The following TRRAP variants were observed in gnomAD, a reference collection of about 807,000 sequenced individuals.
TRRAP encodes the protein transformation/transcription domain associated protein, also known as transformation/transcription domain-associated protein.
Under a neutral mutation model 438.8 loss-of-function variants are expected in TRRAP, and 41 were observed. The observed-to-expected ratio is 0.09, with a 90% CI of 0.07 to 0.12. TRRAP has a LOEUF of 0.12. Ranked by LOEUF, TRRAP falls within the 10% of genes least tolerant of loss-of-function variation. The pLI is 1.00. For synonymous variants in TRRAP, 1,994 were observed against 1,962.9 expected (o/e 1.02, Z -0.42); for missense variants, 3,122 against 5,055.1 (o/e 0.62, Z 11.60).
At chr7:98,929,050 C>T (rs531187636) in intron 23 of TRRAP, among the ~76,000 whole-genome samples, 5 of 151,820 alleles carry the variant, frequency 3.3e-5, no homozygotes, top group African/African-American at 1.2e-4. Flanking sequence ...TGATTCTCCT[C>T]CCTCACCCCT....
In TRRAP at chr7:98,976,145, A is replaced by T; in HGVS notation, c.7840-4A>T. ...ATCTCAGCCTGTTGTCTTTCTGTTC[A>T]TAGACTGGAGCGCTGCTCAGCGCTT... On this transcript the variant is annotated splice_polypyrimidine_tract_variant and splice_region_variant and intron_variant, in intron 53 of 72. Transcript: ENST00000456197. This position sits in a 1 kb window ranked among gnomAD's most constrained non-coding sequence, Gnocchi z 4.6. The T allele has an allele frequency of 6.2e-7, 1 of 1,613,796 alleles. No homozygotes were observed. The highest frequency in any genetic ancestry group is 8.5e-7 in the Non-Finnish European group (1 of 1,179,868).
chr7:98,881,740 C>T (rs782744804), intron 2 of TRRAP: 17 of 462,032 alleles, frequency 3.7e-5, no homozygotes, highest in South Asian at 1.2e-4. Context: ...CAAAGAGGCA[C>T]GTGTGTGTGT....
chr7:99,011,393 C>G lies in TRRAP; in HGVS notation c.11195C>G (p.Thr3732Ser). 6.2e-7 allele frequency: 1 copy of G among 1,614,270 alleles called. No homozygotes were observed. Among genetic ancestry groups the G allele is most frequent in the Non-Finnish European group, 8.5e-7 (1 of 1,180,054 alleles). ...AYFRFDINDA[T>S]GDLDANRPVP... Reference sequence around the variant, plus strand: ...TTTCGATTTGACATAAACGACGCGACTGGAGACCTGGATGCCAACCGTCCT... The same window carrying G: ...TTTCGATTTGACATAAACGACGCGAGTGGAGACCTGGATGCCAACCGTCCT... The change falls in exon 72 of 73, where the codon ACT becomes AGT. Residue 3732 changes from threonine (T) to serine (S), a missense_variant. Thr to Ser is a moderately conservative substitution (Grantham distance 58). Coordinates refer to ENST00000456197, the MANE Select transcript of TRRAP (RefSeq NM_001375524.1). The surrounding 1 kb of genome is among the most constrained non-coding windows in gnomAD (Gnocchi z 7.1).
intron 23 of TRRAP, among the ~76,000 whole-genome samples, chr7:98,927,770 C>G (rs968178607): frequency 1.3e-5 from 2 of 152,088 alleles, no homozygotes; most frequent in Non-Finnish European, 2.9e-5. Context: ...ACCCATGCCT[C>G]GCAGTCTCCC....
intron 39 of TRRAP, 65 bp from the exon 40 acceptor site, chr7:98,953,102 T>C: frequency 2.6e-6 from 4 of 1,568,124 alleles, no homozygotes; most frequent in Non-Finnish European, 3.5e-6. Flanking sequence ...AAACCTGTCG[T>C]ATGACCCTCA....
chr7:98,887,143 C>T (rs180706395), intron 3 of TRRAP, among the ~76,000 whole-genome samples: 74 of 152,258 alleles, frequency 4.9e-4, no homozygotes, highest in African/African-American at 1.8e-3. Context: ...TGGTCTTGAA[C>T]TCCTGGGCCC....
At chr7:98,892,696 A>G (rs1387840614) in intron 5 of TRRAP, among the ~76,000 whole-genome samples, 168 bp downstream of exon 5, 1 of 152,208 alleles carries the variant, frequency 6.6e-6, no homozygotes, top group African/African-American at 2.4e-5. Flanking sequence ...TCCTCCACTC[A>G]GAAAGATTAC....
At position 98,938,926 on chromosome 7, in the gene TRRAP, A is replaced by G. The variant is rs1227560782; in HGVS notation, c.4404+1106A>G. 2.0e-5 allele frequency among the ~76,000 whole-genome samples: 3 copies of G among 152,246 alleles called. No homozygotes were observed. In the South Asian group the frequency reaches 6.2e-4, roughly 31 times the overall value. On this transcript the variant is annotated intron_variant, in intron 30 of 72. Transcript: ENST00000456197. ...AAAATAGATAAGTGTGCCTTCTTTC[A>G]TACAGTCTTGGGTGAGAACATTGGA...
At position 99,005,358 on chromosome 7, in the gene TRRAP, A is replaced by G. The variant is rs1345326213; in HGVS notation, c.10753+10A>G. 10 of 1,613,528 alleles carry G rather than the reference A, an allele frequency of 6.2e-6. No individual in the cohort carries two copies. Among genetic ancestry groups the G allele is most frequent in the Non-Finnish European group, 8.5e-6 (10 of 1,179,842 alleles). On this transcript the variant is annotated intron_variant, in intron 69 of 72. Coordinates refer to ENST00000456197, the MANE Select transcript of TRRAP (RefSeq NM_001375524.1). This position sits in a 1 kb window ranked among gnomAD's most constrained non-coding sequence, Gnocchi z 5.1. ...CACTTGTTTTTCACAGGTAGGGTTG[A>G]GAGCCACAGCTCGCTGGGTACACAG...
intron 62 of TRRAP, among the ~76,000 whole-genome samples, chr7:98,987,446 T>G (rs1584395633): frequency 6.6e-6 from 1 of 152,248 alleles, no homozygotes; most frequent in African/African-American, 2.4e-5. Context: ...GTTAAATTTA[T>G]TCCTCAATAT....
intron 64 of TRRAP, 22 bp downstream of exon 64, chr7:98,990,641 T>C: frequency 1.3e-6 from 2 of 1,594,384 alleles, no homozygotes; most frequent in South Asian, 1.1e-5. Flanking sequence ...AGGGTGGCCT[T>C]GTTCACGTGC....
At chr7:98,970,679 T>A (rs917554066) in intron 52 of TRRAP, among the ~76,000 whole-genome samples, 1 of 152,130 alleles carries the variant, frequency 6.6e-6, no homozygotes, top group Non-Finnish European at 1.5e-5. Context: ...CATGAGCTAG[T>A]ACTGCTGAGA....
At position 98,937,167 on chromosome 7, in the gene TRRAP, G is replaced by A; in HGVS notation, c.4123G>A (p.Ala1375Thr). 1 of 1,609,032 alleles carries A rather than the reference G, an allele frequency of 6.2e-7. No homozygotes were observed. Among genetic ancestry groups the A allele is most frequent in the Non-Finnish European group, 8.5e-7 (1 of 1,178,126 alleles). Residue 1375 changes from alanine to threonine, a missense_variant, in exon 29 of 73, where the codon GCC becomes ACC. Transcript: ENST00000456197. ...LRIAALNALA[A>T]CNYLPQSREK... Reference sequence around the variant, plus strand: ...TTCTCTCCCTGAAGATGCACTTGCTGCCTGCAATTACCTTCCTCAGTCCAG... The same window carrying A: ...TTCTCTCCCTGAAGATGCACTTGCTACCTGCAATTACCTTCCTCAGTCCAG...
chr7:98,892,116 A>C (rs537323983), intron 4 of TRRAP, among the ~76,000 whole-genome samples: 1 of 152,214 alleles, frequency 6.6e-6, no homozygotes, highest in African/African-American at 2.4e-5. Flanking sequence ...TTTATCTTCA[A>C]TGAACTCCAT....
chr7:98,903,029 A>G (rs1209986982), intron 11 of TRRAP, among the ~76,000 whole-genome samples: 1 of 114,130 alleles, frequency 8.8e-6, no homozygotes. Context: ...GCTTAGTCTT[A>G]ACGGTTTTTT....
At position 98,956,079 on chromosome 7, in the gene TRRAP, G is replaced by A. The variant is rs80218891; in HGVS notation, c.5938-67G>A. On this transcript the variant is annotated intron_variant, in intron 41 of 72. Coordinates refer to ENST00000456197, the MANE Select transcript of TRRAP (RefSeq NM_001375524.1). This position sits in a 1 kb window ranked among gnomAD's most constrained non-coding sequence, Gnocchi z 4.5. ...GTCGGGGGTGTGTGTGTGCACGTGC[G>A]CACACGTGCATGCACTGTGGGACCA... is the stretch of plus-strand genomic sequence containing the variant. The A allele has an allele frequency of 6.2e-3, 9,552 of 1,541,214 alleles. 426 individuals carry two copies. The African/African-American group carries it at 0.11, about 18-fold the overall frequency.
chr7:98,895,679 A>T (rs1445778531), intron 6 of TRRAP, 85 bp from the exon 7 acceptor site: 4 of 1,204,618 alleles, frequency 3.3e-6, no homozygotes, highest in Non-Finnish European at 4.6e-6. Flanking sequence ...CTTACGTAGT[A>T]AGACAATTAC....
intron 3 of TRRAP, among the ~76,000 whole-genome samples, chr7:98,882,701 A>G (rs1480851323): frequency 2.1e-5 from 3 of 144,706 alleles, no homozygotes; most frequent in Non-Finnish European, 4.5e-5. Context: ...TGGCTGTGTC[A>G]CCCAGGCTAG....
At chr7:99,009,387 G>A (rs943590481) in intron 70 of TRRAP, among the ~76,000 whole-genome samples, 1 of 152,174 alleles carries the variant, frequency 6.6e-6, no homozygotes, top group Non-Finnish European at 1.5e-5. Context: ...GTTTGGTTGA[G>A]GAAGGTTGAG....
Sources: allele counts gnomAD v4.1 joint callset (sites outside exome capture counted in the v4.1 genomes callset), GRCh38; gene constraint gnomAD v4.1.1; non-coding constraint Gnocchi (gnomAD v3.1); transcripts MANE v1.5; gene names NCBI Gene and HGNC (gene_info 2026-07-23, HGNC 2026-07-21).